PICALM: variants seen among roughly 807,000 people sequenced by gnomAD.
The protein encoded by PICALM is phosphatidylinositol binding clathrin assembly protein.
A neutral mutation model predicts 80.5 loss-of-function variants in PICALM; 40 were observed. The observed-to-expected ratio is 0.50, with a 90% CI of 0.39 to 0.65. The LOEUF is 0.65. PICALM is among the 30% of genes least tolerant of loss of function. PICALM has a pLI of 0.00. For synonymous variants in PICALM, 288 were observed against 260.3 expected (o/e 1.11, Z -1.02); for missense variants, 676 against 778.9 (o/e 0.87, Z 1.57).
intron 17 of PICALM, 118 bp downstream of exon 17, chr11:85,981,011 T>C (rs774673853): frequency 1.7e-6 from 1 of 590,698 alleles, no homozygotes; most frequent in Non-Finnish European, 3.0e-6. Flanking sequence ...CAATTACTTA[T>C]ACTTCTAAAC....
chr11:86,003,551 T>C (rs1254885541), intron 8 of PICALM, 100 bp from the exon 9 acceptor site: 10 of 594,458 alleles, frequency 1.7e-5, no homozygotes, highest in Non-Finnish European at 2.9e-5. Context: ...TAAACAGGTA[T>C]GTTCTTCATG....
rs923753183 is a variant in PICALM, at chr11:86,007,368, T to C, written c.807+174A>G. 74 of 422,252 alleles carry C rather than the reference T, an allele frequency of 1.8e-4. 1 individual carries two copies. Among genetic ancestry groups the C allele is most frequent in the Non-Finnish European group, 2.6e-4 (59 of 223,038 alleles). 26.2% of individuals were successfully genotyped at this position (422,252 alleles called of 1,614,324 possible). ...GCAACAAATATAAGTGGTAAGCAGA[T>C]CATTTTACGTGGTCATAGTGTTAGA... On this transcript the variant is annotated intron_variant, in intron 8 of 19. Coordinates refer to ENST00000393346, the MANE Select transcript of PICALM (RefSeq NM_007166.4).
At chr11:86,003,781 G>C (rs2095212482) in intron 8 of PICALM, 1 of 171,740 alleles carries the variant, frequency 5.8e-6, no homozygotes, top group Admixed American at 6.2e-5. Context: ...GCATGCAGAA[G>C]GTACTTAATA....
chr11:85,981,090 T>G, intron 17 of PICALM, 39 bp downstream of exon 17: 1 of 918,236 alleles, frequency 1.1e-6, no homozygotes, highest in Non-Finnish European at 1.8e-6. Flanking sequence ...TTAACTAAAT[T>G]ATTCAACTGT....
chr11:86,026,231 G>A, intron 3 of PICALM, 61 bp downstream of exon 3: 1 of 878,824 alleles, frequency 1.1e-6, no homozygotes, highest in Non-Finnish European at 1.9e-6. Context: ...GTTCTACTCT[G>A]GAGTAATCAT....
chr11:85,970,938 C>A (rs1423622167), intron 19 of PICALM, among the ~76,000 whole-genome samples: 1 of 152,096 alleles, frequency 6.6e-6, no homozygotes, highest in Non-Finnish European at 1.5e-5. Context: ...GTGACTATTG[C>A]AAAACAAGTG....
intron 19 of PICALM, among the ~76,000 whole-genome samples, chr11:85,964,131 A>T (rs1458859771): frequency 6.6e-6 from 1 of 152,134 alleles, no homozygotes; most frequent in Non-Finnish European, 1.5e-5. Context: ...GAACAAGAAA[A>T]CATCAACAAT....
intron 13 of PICALM, among the ~76,000 whole-genome samples, chr11:85,989,966 C>T (rs2094708533): frequency 7.8e-6 from 1 of 128,670 alleles, no homozygotes; most frequent in Admixed American, 9.8e-5. Context: ...TGATACTAGA[C>T]AGCTAGAGTA....
intron 9 of PICALM, among the ~76,000 whole-genome samples, chr11:86,002,151 CTCTT>C (rs1254235800): frequency 2.6e-5 from 4 of 152,176 alleles, no homozygotes; most frequent in Non-Finnish European, 5.9e-5. Context: ...AACTACGTGG[CTCTT>C]TTTTTCGTTA....
chr11:86,027,814 C>T (rs2095674404), intron 2 of PICALM, among the ~76,000 whole-genome samples: 1 of 152,114 alleles, frequency 6.6e-6, no homozygotes, highest in South Asian at 2.1e-4. Context: ...AGAAACTGCG[C>T]CCGGCCTCCA....
intron 1 of PICALM, among the ~76,000 whole-genome samples, chr11:86,051,121 G>C (rs1441180288): frequency 1.3e-5 from 2 of 152,140 alleles, no homozygotes; most frequent in African/African-American, 4.8e-5. Context: ...TAGTAAATGG[G>C]ACAGAATACT....
intron 1 of PICALM, among the ~76,000 whole-genome samples, chr11:86,034,060 T>C (rs2095802164): frequency 6.6e-6 from 1 of 152,206 alleles, no homozygotes; most frequent in Admixed American, 6.5e-5. Flanking sequence ...CTTTTAGTAC[T>C]GATCACAGAA....
chr11:86,041,519 G>C (rs1406392495), intron 1 of PICALM, among the ~76,000 whole-genome samples: 1 of 151,324 alleles, frequency 6.6e-6, no homozygotes, highest in Admixed American at 6.6e-5. Context: ...GGAAAGATGA[G>C]GAACTGAAAA....
chr11:86,031,567 A>T lies in PICALM; in HGVS notation c.175T>A (p.Leu59Met), dbSNP rs1012378518. ...GTTCTTTCAAATAAACTGTCTGCCA[A>T]CTGTGGGATGTTCACATTCATCTCA... ...TNEMNVNIPQ[L>M]ADSLFERTTN... Residue 59 changes from leucine (L) to methionine (M), a missense_variant, in exon 2 of 20, where the codon TTG (leucine) becomes ATG (methionine). By Grantham distance (15) the Leu-to-Met change is conservative (BLOSUM62 2). Transcript: ENST00000393346. The T allele has an allele frequency of 2.6e-5, 42 of 1,612,552 alleles. No homozygotes were observed. The highest frequency in any genetic ancestry group is 3.6e-5 in the Non-Finnish European group (42 of 1,179,366).
At chr11:85,984,587 C>T (rs1451723309) in intron 13 of PICALM, among the ~76,000 whole-genome samples, 1 of 152,146 alleles carries the variant, frequency 6.6e-6, no homozygotes, top group African/African-American at 2.4e-5. Context: ...CCACTTTCAA[C>T]TCTCAACCAC....
chr11:86,051,733 T>C (rs1175912755), intron 1 of PICALM, among the ~76,000 whole-genome samples: 1 of 152,160 alleles, frequency 6.6e-6, no homozygotes, highest in East Asian at 1.9e-4. Context: ...TAAATTATAT[T>C]CCTCAAAGAA....
At chr11:86,058,413 C>G (rs2096303614) in intron 1 of PICALM, among the ~76,000 whole-genome samples, 1 of 152,202 alleles carries the variant, frequency 6.6e-6, no homozygotes, top group Non-Finnish European at 1.5e-5. Context: ...GCATACCCAA[C>G]TTCCTCAACC....
At chr11:86,015,877 T>A (rs1332316459) in intron 4 of PICALM, among the ~76,000 whole-genome samples, 4 of 152,230 alleles carry the variant, frequency 2.6e-5, no homozygotes, top group African/African-American at 9.6e-5. Flanking sequence ...CCATGAACTA[T>A]GACCTCAGAC....
At chr11:86,044,370 C>T (rs1240696594) in intron 1 of PICALM, among the ~76,000 whole-genome samples, 1 of 152,158 alleles carries the variant, frequency 6.6e-6, no homozygotes, top group Non-Finnish European at 1.5e-5. Flanking sequence ...AGTGTGAAGG[C>T]CTCCCATTCA....
Sources: allele counts gnomAD v4.1 joint callset (sites outside exome capture counted in the v4.1 genomes callset), GRCh38; gene constraint gnomAD v4.1.1; transcripts MANE v1.5; gene names NCBI Gene and HGNC (gene_info 2026-07-23, HGNC 2026-07-21).